MYO3B: variants seen among roughly 807,000 people sequenced by gnomAD.
MYO3B encodes the protein myosin-IIIb.
In MYO3B, 156 loss-of-function variants were observed where a neutral mutation model predicts 174.6. That is an observed-to-expected ratio of 0.89 (90% CI 0.78 to 1.02). MYO3B has a LOEUF of 1.02. Ranked by LOEUF, MYO3B falls within the 50% of genes least tolerant of loss-of-function variation. MYO3B has a pLI of 0.00. For missense variants in MYO3B, 1,632 were observed against 1,639.4 expected, an observed-to-expected ratio of 1.00 and a Z score of 0.08; for synonymous variants, 563 against 569.1, an observed-to-expected ratio of 0.99 and a Z score of 0.15.
intron 29 of MYO3B, among the ~76,000 whole-genome samples, chr2:170,518,092 ATC>A (rs1454409626): frequency 6.6e-6 from 1 of 152,134 alleles, no homozygotes; most frequent in Non-Finnish European, 1.5e-5. Context: ...ACAACAACAA[ATC>A]TTTCTATCCA....
At chr2:170,258,221 T>C (rs2093319513) in intron 7 of MYO3B, among the ~76,000 whole-genome samples, 1 of 152,094 alleles carries the variant, frequency 6.6e-6, no homozygotes. Flanking sequence ...ACTTATTCTA[T>C]GAAGCCAGCA....
chr2:170,651,220 G>GTA (rs1698989280), intron 32 of MYO3B, among the ~76,000 whole-genome samples: 4 of 152,116 alleles, frequency 2.6e-5, no homozygotes, highest in Non-Finnish European at 4.4e-5. Context: ...AAGAGTATGT[G>GTA]TGCTCCAGAT....
intron 7 of MYO3B, among the ~76,000 whole-genome samples, chr2:170,265,032 C>G (rs888728480): frequency 1.2e-4 from 18 of 152,066 alleles, no homozygotes; most frequent in Middle Eastern, 3.2e-3. Flanking sequence ...TTTTAAAAAG[C>G]CTTTTAAAGA....
intron 7 of MYO3B, among the ~76,000 whole-genome samples, chr2:170,237,299 T>A (rs931020893): frequency 1.1e-4 from 16 of 152,160 alleles, no homozygotes; most frequent in African/African-American, 3.6e-4. Flanking sequence ...TTTGTGTGTG[T>A]GCTTTGATTT....
chr2:170,396,448 T>C (rs1169841187), intron 16 of MYO3B, among the ~76,000 whole-genome samples: 1 of 152,052 alleles, frequency 6.6e-6, no homozygotes, highest in Non-Finnish European at 1.5e-5. Flanking sequence ...GAGAACTAAT[T>C]AACCCAAGGT....
At chr2:170,501,758 T>G (rs374145164) in intron 27 of MYO3B, 27 bp from the exon 28 acceptor site, 2 of 1,503,388 alleles carry the variant, frequency 1.3e-6, no homozygotes, top group Non-Finnish European at 1.8e-6. Flanking sequence ...TTAATGTCAT[T>G]CCTAGCACAT....
At chr2:170,477,037 C>G (rs1559039298) in intron 25 of MYO3B, among the ~76,000 whole-genome samples, 1 of 152,118 alleles carries the variant, frequency 6.6e-6, no homozygotes, top group African/African-American at 2.4e-5. Flanking sequence ...CTTCCTTAGA[C>G]TTTTGGGGGT....
intron 8 of MYO3B, among the ~76,000 whole-genome samples, chr2:170,353,664 G>A (rs999820733): frequency 6.6e-6 from 1 of 152,070 alleles, no homozygotes; most frequent in South Asian, 2.1e-4. Context: ...GGGGGCCGGG[G>A]TATATGGGAA....
intron 1 of MYO3B, among the ~76,000 whole-genome samples, chr2:170,197,730 A>C (rs75723122): frequency 1.7e-5 from 1 of 58,310 alleles, no homozygotes; most frequent in Non-Finnish European, 3.9e-5. Context: ...CTTCCTCCTC[A>C]TATTTCTTGT....
chr2:170,329,112 A>C (rs1027109825), intron 7 of MYO3B, among the ~76,000 whole-genome samples: 10 of 151,758 alleles, frequency 6.6e-5, no homozygotes, highest in African/African-American at 2.4e-4. Context: ...AGATCGCTCC[A>C]TTGCACTCCA....
At position 170,391,530 on chromosome 2, in the gene MYO3B, A is replaced by T; in HGVS notation, c.1588A>T (p.Asn530Tyr). ...RVIKQAAREK[N>Y]FHIFYYIYAG... ...CTCTTTTTTTTTCAGGAGAGAGAAA[A>T]ATTTTCATATATTTTACTATATTTA... Residue 530 changes from asparagine (N) to tyrosine (Y), a missense_variant, in exon 15 of 35, where the codon AAT (asparagine) becomes TAT (tyrosine). By Grantham distance (143) the Asn-to-Tyr change is moderately radical (BLOSUM62 -2). Transcript: ENST00000408978. 6.7e-7 allele frequency: 1 copy of T among 1,494,236 alleles called. No homozygotes were observed. Among genetic ancestry groups the T allele is most frequent in the Non-Finnish European group, 9.0e-7 (1 of 1,115,302 alleles). The allele number at this position is 1,494,236 out of a possible 1,614,324, so 92.6% of individuals were successfully genotyped here.
intron 30 of MYO3B, among the ~76,000 whole-genome samples, chr2:170,533,357 C>T (rs1485551234): frequency 1.3e-5 from 2 of 151,488 alleles, no homozygotes; most frequent in East Asian, 1.9e-4. Flanking sequence ...ACTTCTCCTT[C>T]CCTGGACTAA....
chr2:170,220,628 CA>C (rs71006077), intron 6 of MYO3B, among the ~76,000 whole-genome samples: 14,790 of 84,768 alleles, frequency 0.17, 909 homozygotes, highest in African/African-American at 0.24. Context: ...GATTCCGTCT[CA>C]AAAAAAAAAA....
At chr2:170,381,400 G>T (rs753832248) in intron 9 of MYO3B, among the ~76,000 whole-genome samples, 27 of 152,064 alleles carry the variant, frequency 1.8e-4, no homozygotes, top group Non-Finnish European at 3.7e-4. Flanking sequence ...TTGCTCATGG[G>T]TATCTATAGG....
chr2:170,579,926 C>G (rs1228290935), intron 32 of MYO3B, among the ~76,000 whole-genome samples: 4 of 152,254 alleles, frequency 2.6e-5, no homozygotes, highest in African/African-American at 9.6e-5. Context: ...TCTGGGAACC[C>G]TGCCCAGAGA....
intron 7 of MYO3B, among the ~76,000 whole-genome samples, chr2:170,251,091 G>T (rs144456630): frequency 6.6e-6 from 1 of 151,976 alleles, no homozygotes; most frequent in Non-Finnish European, 1.5e-5. Flanking sequence ...CCAGGGAACC[G>T]CCCTCTTCTA....
At chr2:170,493,813 C>T (rs1686658053) in intron 25 of MYO3B, among the ~76,000 whole-genome samples, 1 of 152,026 alleles carries the variant, frequency 6.6e-6, no homozygotes, top group Admixed American at 6.5e-5. Flanking sequence ...GGGACTCAGG[C>T]AGTCCCCTGG....
At chr2:170,559,316 A>G (rs772072785) in intron 32 of MYO3B, among the ~76,000 whole-genome samples, 2 of 152,222 alleles carry the variant, frequency 1.3e-5, no homozygotes, top group African/African-American at 2.4e-5. Flanking sequence ...TAAATGGGAA[A>G]ATAGAAGCCT....
At chr2:170,488,929 A>G (rs1297706081) in intron 25 of MYO3B, among the ~76,000 whole-genome samples, 2 of 152,214 alleles carry the variant, frequency 1.3e-5, no homozygotes, top group Non-Finnish European at 2.9e-5. Flanking sequence ...AAGGAGAGCC[A>G]GACTGCTGGT....
Sources: gnomAD v4.1 joint callset for allele counts (sites outside exome capture counted in the v4.1 genomes callset) on GRCh38, gnomAD v4.1.1 for gene constraint, MANE v1.5 for transcripts, NCBI Gene and HGNC (gene_info 2026-07-23, HGNC 2026-07-21) for gene names.